The following RTN1 variants were observed in gnomAD, a reference collection of about 807,000 sequenced individuals.
RTN1 encodes reticulon 1.
A neutral mutation model predicts 65.5 loss-of-function variants in RTN1; 25 were observed. The observed-to-expected ratio is 0.38, with a 90% CI of 0.28 to 0.53. RTN1 has a LOEUF of 0.53. Among genes scored for constraint, RTN1 ranks in the 20% least tolerant of loss-of-function variants. RTN1 has a pLI of 0.79. For synonymous variants in RTN1, 471 were observed against 447.6 expected, an observed-to-expected ratio of 1.05 and a Z score of -0.66; for missense variants, 983 against 1,025.4, an observed-to-expected ratio of 0.96 and a Z score of 0.57.
At chr14:59,781,222 C>T (rs1434800868) in intron 1 of RTN1, among the ~76,000 whole-genome samples, 1 of 151,850 alleles carries the variant, frequency 6.6e-6, no homozygotes, top group Non-Finnish European at 1.5e-5. Flanking sequence ...CGGCCAGCTC[C>T]CTTCTGCTTG....
intron 1 of RTN1, among the ~76,000 whole-genome samples, chr14:59,847,060 T>C (rs1043982688): frequency 1.3e-5 from 2 of 152,240 alleles, no homozygotes; most frequent in Non-Finnish European, 2.9e-5. Context: ...CTATGCTTCA[T>C]CTTGCTAATT....
chr14:59,616,532 A>G (rs1260170502), intron 3 of RTN1, among the ~76,000 whole-genome samples: 1 of 152,210 alleles, frequency 6.6e-6, no homozygotes, highest in Non-Finnish European at 1.5e-5. Flanking sequence ...CTTTATTTAT[A>G]TAAATGTTAT....
At chr14:59,801,564 A>G (rs1046051812) in intron 1 of RTN1, among the ~76,000 whole-genome samples, 1 of 152,230 alleles carries the variant, frequency 6.6e-6, no homozygotes, top group Non-Finnish European at 1.5e-5. Context: ...AAACTATAGC[A>G]AGGAGAATCA....
intron 1 of RTN1, among the ~76,000 whole-genome samples, chr14:59,862,292 C>T (rs1887725059): frequency 6.6e-6 from 1 of 152,194 alleles, no homozygotes; most frequent in Admixed American, 6.5e-5. Context: ...GTCTGGTTTA[C>T]TGTAATTCCC....
chr14:59,750,123 ATT>A lies in RTN1; in HGVS notation c.242-3644_242-3643del, dbSNP rs1491257808. On this transcript the variant is annotated intron_variant, in intron 1 of 8. Coordinates refer to ENST00000267484, the MANE Select transcript of RTN1 (RefSeq NM_021136.3). Reference sequence around the variant, plus strand: ...ATATTATATATTATATATAATATATATTATCTATAATATATAATATATATATT... The same window carrying A: ...ATATTATATATTATATATAATATATAATCTATAATATATAATATATATATT... Among the ~76,000 whole-genome samples, 8 of 82,058 alleles carry A rather than the reference ATT, an allele frequency of 9.7e-5. 1 individual carries two copies. Among genetic ancestry groups the A allele is most frequent in the African/African-American group, 1.6e-4 (3 of 19,322 alleles). 53.8% of individuals were successfully genotyped at this position (82,058 alleles called of 152,430 possible). A position where few individuals can be genotyped will look rare whatever the true frequency, so the allele number is the denominator to read the frequency against.
At chr14:59,830,579 C>T (rs1018707128) in intron 1 of RTN1, among the ~76,000 whole-genome samples, 1 of 152,206 alleles carries the variant, frequency 6.6e-6, no homozygotes. Flanking sequence ...CTTTTCCAAG[C>T]CTTCTTTCCT....
intron 3 of RTN1, among the ~76,000 whole-genome samples, chr14:59,722,357 A>C (rs1236686268): frequency 1.3e-5 from 2 of 152,204 alleles, no homozygotes; most frequent in Non-Finnish European, 1.5e-5. Context: ...TGTCACACAT[A>C]AAGCAGTGCC....
intron 5 of RTN1, chr14:59,605,101 G>A (rs1881701813): frequency 3.2e-6 from 1 of 309,590 alleles, no homozygotes; most frequent in African/African-American, 2.2e-5. Context: ...AAAGACTATA[G>A]AGCTAGAAGC....
In RTN1 at chr14:59,815,183, T is replaced by C. The variant is rs1594753547; in HGVS notation, c.241+55207A>G. On this transcript the variant is annotated intron_variant, in intron 1 of 8. Coordinates refer to ENST00000267484, the MANE Select transcript of RTN1 (RefSeq NM_021136.3). ...TTCTTTGAGTTACTATCATAGGCAC[T>C]GATGACCATCCTAATCACGCCCTCC... is the stretch of plus-strand genomic sequence containing the variant. Among the ~76,000 whole-genome samples, 3 of 152,368 alleles carry C rather than the reference T, an allele frequency of 2.0e-5. 1 individual carries two copies.
At chr14:59,665,752 C>A (rs1883356039) in intron 3 of RTN1, among the ~76,000 whole-genome samples, 1 of 151,956 alleles carries the variant, frequency 6.6e-6, no homozygotes, top group Non-Finnish European at 1.5e-5. Flanking sequence ...GGAAGACCTA[C>A]CAAGCAAATG....
chr14:59,845,964 T>C (rs1887401541), intron 1 of RTN1, among the ~76,000 whole-genome samples: 1 of 151,972 alleles, frequency 6.6e-6, no homozygotes, highest in Non-Finnish European at 1.5e-5. Flanking sequence ...CTATAGTAGA[T>C]TAGGAACAGC....
intron 1 of RTN1, among the ~76,000 whole-genome samples, chr14:59,779,113 A>G (rs1263452744): frequency 6.6e-6 from 1 of 152,084 alleles, no homozygotes; most frequent in African/African-American, 2.4e-5. Context: ...CCAGGGAAAC[A>G]GTAATAAGGG....
chr14:59,779,476 G>A (rs1269614296), intron 1 of RTN1, among the ~76,000 whole-genome samples: 2 of 152,040 alleles, frequency 1.3e-5, no homozygotes, highest in Non-Finnish European at 2.9e-5. Context: ...GGGAGATCCT[G>A]CAGAGGGGGA....
intron 2 of RTN1, among the ~76,000 whole-genome samples, chr14:59,738,354 G>T (rs1182897772): frequency 5.3e-5 from 8 of 152,134 alleles, no homozygotes; most frequent in Non-Finnish European, 1.5e-5. Context: ...GACATGAAAA[G>T]ACACTTCTCA....
At chr14:59,783,201 TG>T (rs1260204095) in intron 1 of RTN1, among the ~76,000 whole-genome samples, 2 of 152,196 alleles carry the variant, frequency 1.3e-5, no homozygotes, top group Admixed American at 6.5e-5. Context: ...CCTATGTATA[TG>T]GGTTTTTGGT....
At position 59,865,163 on chromosome 14, in the gene RTN1, T is replaced by C. The variant is rs139165944; in HGVS notation, c.241+5227A>G. ...ATATTCATTCTTTTCTAAGGGTCTA[T>C]GAATATTTAGCATAATAACACATTC... On this transcript the variant is annotated intron_variant, in intron 1 of 8. Coordinates refer to ENST00000267484, the MANE Select transcript of RTN1 (RefSeq NM_021136.3). Among the ~76,000 whole-genome samples, 98 of 152,312 alleles carry C rather than the reference T, an allele frequency of 6.4e-4. No individual in the cohort carries two copies. In the East Asian group the frequency reaches 0.017, roughly 26 times the overall value.
intron 3 of RTN1, among the ~76,000 whole-genome samples, chr14:59,682,846 A>G (rs1173330307): frequency 1.3e-5 from 2 of 152,216 alleles, no homozygotes; most frequent in African/African-American, 4.8e-5. Flanking sequence ...ACTCCACTCC[A>G]GAAACTGTGG....
intron 3 of RTN1, among the ~76,000 whole-genome samples, chr14:59,620,511 T>C (rs1047132503): frequency 6.6e-6 from 1 of 152,220 alleles, no homozygotes; most frequent in African/African-American, 2.4e-5. Flanking sequence ...TAATTCTTTT[T>C]GTATTGATAT....
intron 3 of RTN1, among the ~76,000 whole-genome samples, chr14:59,613,030 C>A (rs1882000483): frequency 6.6e-6 from 1 of 152,098 alleles, no homozygotes; most frequent in South Asian, 2.1e-4. Context: ...AGGTTTCTTC[C>A]CCCCATACTT....
Sources: allele counts gnomAD v4.1 joint callset (sites outside exome capture counted in the v4.1 genomes callset), GRCh38; gene constraint gnomAD v4.1.1; transcripts MANE v1.5; gene names NCBI Gene and HGNC (gene_info 2026-07-23, HGNC 2026-07-21).